Variants in PDE4D observed in about 807,000 individuals in gnomAD.
The protein encoded by PDE4D is 3',5'-cyclic-AMP phosphodiesterase 4D.
Under a neutral mutation model 87.4 loss-of-function variants are expected in PDE4D, and 24 were observed. That is an observed-to-expected ratio of 0.27 (90% CI 0.20 to 0.39). The LOEUF (loss-of-function observed/expected upper bound fraction) is 0.39. Ranked by LOEUF, PDE4D falls within the 10% of genes least tolerant of loss-of-function variation. The probability of loss-of-function intolerance (pLI) is 1.00; values close to 1 mark genes in which losing one functional copy is unlikely to be tolerated. For synonymous variants in PDE4D, 384 were observed against 383.2 expected, an observed-to-expected ratio of 1.00 and a Z score of -0.02; for missense variants, 714 against 1,041.0, an observed-to-expected ratio of 0.69 and a Z score of 4.32.
At chr5:59,200,606 TACAG>T in intron 2 of PDE4D, among the ~76,000 whole-genome samples, 1 of 131,430 alleles carries the variant, frequency 7.6e-6, no homozygotes, top group East Asian at 3.3e-4. Flanking sequence ...CACGTGTATG[TACAG>T]ATACACGTAT....
At chr5:59,074,512 C>G (rs2153420158) in intron 5 of PDE4D, among the ~76,000 whole-genome samples, 1 of 152,266 alleles carries the variant, frequency 6.6e-6, no homozygotes, top group Middle Eastern at 3.4e-3. Flanking sequence ...AATCCTAGCA[C>G]TTTGGGAGGC....
At chr5:59,990,813 G>A (rs1471764798) in intron 2 of PDE4D, among the ~76,000 whole-genome samples, 2 of 152,072 alleles carry the variant, frequency 1.3e-5, no homozygotes, top group African/African-American at 4.8e-5. Flanking sequence ...GGCTAGTGGG[G>A]TGATTAATCA....
At chr5:59,694,433 G>T (rs1009447431) in intron 1 of PDE4D, among the ~76,000 whole-genome samples, 4 of 152,132 alleles carry the variant, frequency 2.6e-5, no homozygotes, top group Non-Finnish European at 5.9e-5. Context: ...TAATCTTCTT[G>T]GGAAGGCAAG....
intron 1 of PDE4D, among the ~76,000 whole-genome samples, chr5:60,479,836 T>C (rs1470671728): frequency 6.6e-6 from 1 of 152,162 alleles, no homozygotes; most frequent in African/African-American, 2.4e-5. Context: ...AAGGAAAAAA[T>C]GCAGTCACGT....
chr5:59,421,992 G>A (rs1794556262), intron 1 of PDE4D, among the ~76,000 whole-genome samples: 1 of 152,078 alleles, frequency 6.6e-6, no homozygotes, highest in Non-Finnish European at 1.5e-5. Context: ...TTGAACGTGG[G>A]AGGAAGCCCT....
intron 1 of PDE4D, among the ~76,000 whole-genome samples, chr5:59,320,371 C>T (rs13169097): frequency 0.063 from 9,625 of 151,942 alleles, 406 homozygotes; most frequent in Middle Eastern, 0.12. Context: ...ATCTTCGGTC[C>T]GTTAAGATAT....
intron 5 of PDE4D, among the ~76,000 whole-genome samples, chr5:59,051,462 CAG>C (rs1261110479): frequency 1.3e-5 from 2 of 152,194 alleles, no homozygotes; most frequent in African/African-American, 4.8e-5. Flanking sequence ...TGGTTAATGA[CAG>C]AGCATCACTT....
At chr5:59,573,997 C>CAA (rs11437091) in intron 1 of PDE4D, among the ~76,000 whole-genome samples, 9,766 of 86,882 alleles carry the variant, frequency 0.11, 1,453 homozygotes, top group African/African-American at 0.34. Flanking sequence ...GACTCTGTCT[C>CAA]AAAAAAAAAT....
intron 1 of PDE4D, among the ~76,000 whole-genome samples, chr5:59,771,450 A>AAAGAAAGAAAGAAAGAGAGAG (rs1763449196): frequency 1.4e-5 from 1 of 73,620 alleles, no homozygotes; most frequent in African/African-American, 6.6e-5. Flanking sequence ...AGAAAGAAAG[A>AAAGAAAGAAAGAAAGAGAGAG]AAGAAAGAAA....
chr5:60,415,605 A>T (rs376485871), intron 1 of PDE4D, among the ~76,000 whole-genome samples: 6 of 152,230 alleles, frequency 3.9e-5, no homozygotes, highest in African/African-American at 1.4e-4. Context: ...CTGGGCCAGC[A>T]GCTGCTGCAC....
intron 1 of PDE4D, among the ~76,000 whole-genome samples, chr5:59,781,284 T>G (rs545452924): frequency 6.6e-6 from 1 of 151,940 alleles, no homozygotes; most frequent in African/African-American, 2.4e-5. Flanking sequence ...GTAGGAACTA[T>G]GTCTTACTTA....
At chr5:59,555,709 C>A (rs1277376610) in intron 1 of PDE4D, among the ~76,000 whole-genome samples, 1 of 152,076 alleles carries the variant, frequency 6.6e-6, no homozygotes, top group African/African-American at 2.4e-5. Flanking sequence ...TTCTTTCATT[C>A]AACCCTTTAG....
intron 2 of PDE4D, among the ~76,000 whole-genome samples, chr5:59,198,639 G>A (rs898630709): frequency 2.0e-5 from 3 of 152,236 alleles, no homozygotes; most frequent in Admixed American, 6.5e-5. Context: ...GCTGTTGAAA[G>A]CAGGAGAATA....
In PDE4D at chr5:58,989,920, C is replaced by A; in HGVS notation, c.1288-1G>T. 1 of 1,493,718 alleles carries A rather than the reference C, an allele frequency of 6.7e-7. No homozygotes were observed. Among genetic ancestry groups the A allele is most frequent in the South Asian group, 1.2e-5 (1 of 83,936 alleles). The allele number at this position is 1,493,718 out of a possible 1,614,324, so 92.5% of individuals were successfully genotyped here. A position where few individuals can be genotyped will look rare whatever the true frequency, so the allele number is the denominator to read the frequency against. ...TAAATGTTTTTAATAAATCCCGTTC[C>A]TGTAGGAAAAAAAATCATCTTAACA... is the stretch of plus-strand genomic sequence containing the variant. On this transcript the variant is annotated splice_acceptor_variant, in intron 9 of 14. Transcript: ENST00000340635. LOFTEE classifies it high-confidence loss of function.
chr5:59,972,466 G>A (rs927652982), intron 3 of PDE4D, among the ~76,000 whole-genome samples: 3 of 152,222 alleles, frequency 2.0e-5, no homozygotes, highest in Non-Finnish European at 4.4e-5. Flanking sequence ...CGGCTTGTCA[G>A]CCAAATGAGT....
At chr5:58,977,137 A>G in intron 12 of PDE4D, 54 bp downstream of exon 12, 3 of 1,516,048 alleles carry the variant, frequency 2.0e-6, no homozygotes, top group Non-Finnish European at 1.8e-6. Context: ...TTATGTCTAA[A>G]TTATAAACAA....
intron 3 of PDE4D, among the ~76,000 whole-genome samples, chr5:59,930,402 C>T (rs1353698739): frequency 1.3e-5 from 2 of 152,070 alleles, no homozygotes; most frequent in African/African-American, 2.4e-5. Context: ...GAGATCTCTA[C>T]TTCCATCAAC....
intron 2 of PDE4D, among the ~76,000 whole-genome samples, chr5:60,040,570 C>A (rs1238768729): frequency 6.6e-6 from 1 of 152,112 alleles, no homozygotes; most frequent in Non-Finnish European, 1.5e-5. Context: ...ATGCATACTT[C>A]ATGGAAATTA....
intron 1 of PDE4D, among the ~76,000 whole-genome samples, chr5:60,323,235 T>C (rs1174041202): frequency 6.6e-6 from 1 of 152,174 alleles, no homozygotes; most frequent in African/African-American, 2.4e-5. Flanking sequence ...CAGACTTAAG[T>C]GTCTACTTGA....
Sources: gnomAD v4.1 joint callset for allele counts (sites outside exome capture counted in the v4.1 genomes callset) on GRCh38, gnomAD v4.1.1 for gene constraint, MANE v1.5 for transcripts, NCBI Gene and HGNC (gene_info 2026-07-23, HGNC 2026-07-21) for gene names.